Variants in PDIA5 observed in about 807,000 individuals in gnomAD.
PDIA5 encodes protein disulfide isomerase family A member 5.
A neutral mutation model predicts 77.6 loss-of-function variants in PDIA5; 58 were observed. The observed-to-expected ratio is 0.75, with a 90% confidence interval of 0.61 to 0.93. The LOEUF (loss-of-function observed/expected upper bound fraction) is 0.93. PDIA5 is among the 40% of genes least tolerant of loss of function. The pLI, the probability that PDIA5 is intolerant of heterozygous loss-of-function variation, is 0.00. For synonymous variants in PDIA5, 250 were observed against 252.1 expected (o/e 0.99, Z 0.08); for missense variants, 630 against 647.7 (o/e 0.97, Z 0.30).
At chr3:123,138,020 A>G (rs959454332) in intron 11 of PDIA5, among the ~76,000 whole-genome samples, 3 of 152,156 alleles carry the variant, frequency 2.0e-5, no homozygotes, top group Non-Finnish European at 4.4e-5. Context: ...ATCATAGCTC[A>G]CTGCAATTTC....
Position 123,161,313 on chromosome 3 carries a change from G to A in PDIA5, c.1345-8G>A, listed in dbSNP as rs1936154837. The A allele has an allele frequency of 6.2e-7, 1 of 1,612,984 alleles. No individual in the cohort carries two copies. The highest frequency in any genetic ancestry group is 8.5e-7 in the Non-Finnish European group (1 of 1,179,478). On this transcript the variant is annotated splice_polypyrimidine_tract_variant and splice_region_variant and intron_variant, in intron 15 of 16. Coordinates refer to ENST00000316218, the MANE Select transcript of PDIA5 (RefSeq NM_006810.4). Reference sequence around the variant, plus strand: ...CCCTGTGCCAACTCTCTTTACCTTGGCTCCTAGATTGCCTGTGCCGCTGTT... The same window carrying A: ...CCCTGTGCCAACTCTCTTTACCTTGACTCCTAGATTGCCTGTGCCGCTGTT...
rs557928163 is a variant in PDIA5 at position 123,147,757 on chromosome 3, C to T, written c.1142+1498C>T. On this transcript the variant is annotated intron_variant, in intron 13 of 16. Coordinates refer to ENST00000316218, the MANE Select transcript of PDIA5 (RefSeq NM_006810.4). ...AAAGGCACAAGGTGCTTGCTTACCC[C>T]TCAAGGCCTTCTGGTGTCTGAAGTA... is the stretch of plus-strand genomic sequence containing the variant. Among the ~76,000 whole-genome samples, 460 of 152,342 alleles carry T rather than the reference C, an allele frequency of 3.0e-3. 3 individuals are homozygous for T. The highest frequency in any genetic ancestry group is 0.01 in the African/African-American group (420 of 41,584).
At chr3:123,083,048 G>T (rs904858767) in intron 1 of PDIA5, among the ~76,000 whole-genome samples, 1 of 152,148 alleles carries the variant, frequency 6.6e-6, no homozygotes, top group African/African-American at 2.4e-5. Flanking sequence ...ACGGCAGGGG[G>T]TCTGGAAGAT....
chr3:123,094,621 T>C (rs1462973924), intron 3 of PDIA5, among the ~76,000 whole-genome samples: 1 of 152,238 alleles, frequency 6.6e-6, no homozygotes. Context: ...CCAGTCCGTG[T>C]CTGTGGGTCT....
intron 3 of PDIA5, among the ~76,000 whole-genome samples, chr3:123,095,118 C>A (rs1934399447): frequency 6.6e-6 from 1 of 152,194 alleles, no homozygotes; most frequent in Admixed American, 6.5e-5. Context: ...TGACACCGGG[C>A]AAGTCGGTCA....
In PDIA5 at chr3:123,154,975, C is replaced by T. The variant is rs993341151; in HGVS notation, c.1278C>T (p.Cys426=). The T allele has an allele frequency of 7.5e-6, 12 of 1,603,858 alleles. No homozygotes were observed. The highest frequency in any genetic ancestry group is 1.0e-5 in the Non-Finnish European group (12 of 1,170,852). Residue 426 remains cysteine, a synonymous_variant, in exon 15 of 17, where the codon TGC becomes TGT. Coordinates refer to ENST00000316218, the MANE Select transcript of PDIA5 (RefSeq NM_006810.4). ...HTLVMFYAPW[C]PHCKKVIPHF... is the part of the protein sequence containing the mutation. ...CTCTCTTCCCCTCTCACACAGGGTG[C>T]CCACACTGTAAGAAGGTCATTCCGC...
intron 11 of PDIA5, among the ~76,000 whole-genome samples, chr3:123,144,066 C>T (rs142112074): frequency 4.6e-5 from 7 of 152,178 alleles, no homozygotes; most frequent in Non-Finnish European, 7.4e-5. Context: ...AGATTAAGAA[C>T]GAGACAGGTT....
intron 3 of PDIA5, 90 bp downstream of exon 3, chr3:123,092,532 A>C: frequency 3.2e-6 from 3 of 944,276 alleles, no homozygotes; most frequent in Non-Finnish European, 5.2e-6. Flanking sequence ...TCTCTTGATT[A>C]ATAATCTGGG....
intron 8 of PDIA5, among the ~76,000 whole-genome samples, chr3:123,117,374 TTATA>T (rs370968904): frequency 0.018 from 1,467 of 79,878 alleles, 116 homozygotes; most frequent in African/African-American, 0.059. Flanking sequence ...TTCTATGATT[TTATA>T]TATATATATA....
chr3:123,111,074 G>A, intron 7 of PDIA5, 70 bp downstream of exon 7: 6 of 938,768 alleles, frequency 6.4e-6, no homozygotes, highest in Non-Finnish European at 6.8e-6. Context: ...GCAGGTGGGG[G>A]TTGCGGGCGG....
chr3:123,138,246 C>A (rs11713351), intron 11 of PDIA5, among the ~76,000 whole-genome samples: 3,640 of 152,270 alleles, frequency 0.024, 63 homozygotes, highest in Non-Finnish European at 0.041. Flanking sequence ...GCATCTGGCC[C>A]TAATTTTATT....
chr3:123,149,658 T>G lies in PDIA5; in HGVS notation c.1143-576T>G, dbSNP rs966361215. Among the ~76,000 whole-genome samples the G allele has an allele frequency of 2.6e-5, 4 of 152,170 alleles. No individual in the cohort carries two copies. The East Asian group carries it at 7.7e-4, about 29-fold the overall frequency. On this transcript the variant is annotated intron_variant, in intron 13 of 16. Coordinates refer to ENST00000316218, the MANE Select transcript of PDIA5 (RefSeq NM_006810.4). ...AGTAAATATTAGTTCCTTGACTGAG[T>G]AGATGCTTTTCATACATTCTCTGCT...
At chr3:123,079,843 C>G (rs1222768536) in intron 1 of PDIA5, among the ~76,000 whole-genome samples, 1 of 152,026 alleles carries the variant, frequency 6.6e-6, no homozygotes, top group Non-Finnish European at 1.5e-5. Flanking sequence ...TGTTTCTCAA[C>G]CTTTTTTTTT....
chr3:123,072,924 G>GTGTGTGTGTT (rs1436070615), intron 1 of PDIA5, among the ~76,000 whole-genome samples: 1 of 151,870 alleles, frequency 6.6e-6, no homozygotes, highest in African/African-American at 2.4e-5. Context: ...GTGTGTGTGT[G>GTGTGTGTGTT]TGTGTGTGTG....
intron 11 of PDIA5, among the ~76,000 whole-genome samples, chr3:123,141,611 G>T (rs968501755): frequency 6.6e-6 from 1 of 152,222 alleles, no homozygotes; most frequent in Admixed American, 6.5e-5. Context: ...GCAGGAGAGT[G>T]GGGGGCTCAC....
intron 1 of PDIA5, among the ~76,000 whole-genome samples, chr3:123,088,936 A>G (rs994729390): frequency 6.6e-6 from 1 of 152,210 alleles, no homozygotes; most frequent in African/African-American, 2.4e-5. Context: ...GGCTGACTGT[A>G]TATATCTGCA....
At chr3:123,082,347 C>T (rs879281874) in intron 1 of PDIA5, among the ~76,000 whole-genome samples, 1 of 152,134 alleles carries the variant, frequency 6.6e-6, no homozygotes, top group Non-Finnish European at 1.5e-5. Context: ...GGCTCTGTTA[C>T]TTACCTACTG....
At position 123,162,064 on chromosome 3, in the gene PDIA5, T is replaced by G. The variant is rs748085520; in HGVS notation, c.*104T>G. ...AAGACAAATTTTTTATAGCCGCTTA[T>G]GGCCATTTTGTACAATTTTGAAATA... On this transcript the variant is annotated 3_prime_UTR_variant, in exon 17 of 17. Coordinates refer to ENST00000316218, the MANE Select transcript of PDIA5 (RefSeq NM_006810.4). 2.0e-4 allele frequency: 144 copies of G among 727,666 alleles called. No individual in the cohort carries two copies. Among genetic ancestry groups the G allele is most frequent in the Non-Finnish European group, 3.2e-4 (131 of 406,594 alleles). 45.1% of individuals were successfully genotyped at this position (727,666 alleles called of 1,614,324 possible).
At position 123,150,374 on chromosome 3, in the gene PDIA5, T is replaced by A. The variant is rs1269858470; in HGVS notation, c.1273+10T>A. 1 of 1,612,030 alleles carries A rather than the reference T, an allele frequency of 6.2e-7. No homozygotes were observed. The highest frequency in any genetic ancestry group is 1.1e-5 in the South Asian group (1 of 90,744). ...ATGTTCTACGCCCCTTGTAAGTAGC[T>A]TGGGTGCTCACTGAGTGGCACAGTA... On this transcript the variant is annotated intron_variant, in intron 14 of 16. Coordinates refer to ENST00000316218, the MANE Select transcript of PDIA5 (RefSeq NM_006810.4).
Sources: allele counts gnomAD v4.1 joint callset (sites outside exome capture counted in the v4.1 genomes callset), GRCh38; gene constraint gnomAD v4.1.1; transcripts MANE v1.5; gene names NCBI Gene and HGNC (gene_info 2026-07-23, HGNC 2026-07-21).